PDE4D: variants seen among roughly 807,000 people sequenced by gnomAD.
PDE4D encodes 3',5'-cyclic-AMP phosphodiesterase 4D.
In PDE4D, 24 loss-of-function variants were observed where a neutral mutation model predicts 87.4. The observed-to-expected ratio is 0.27, with a 90% CI of 0.20 to 0.39. The LOEUF is 0.39. Ranked by LOEUF, PDE4D falls within the 10% of genes least tolerant of loss-of-function variation. The probability of loss-of-function intolerance (pLI) is 1.00; values close to 1 mark genes in which losing one functional copy is unlikely to be tolerated. For synonymous variants in PDE4D, 384 were observed against 383.2 expected (o/e 1.00, Z -0.02); for missense variants, 714 against 1,041.0 (o/e 0.69, Z 4.32).
At chr5:59,334,354 G>A (rs992292196) in intron 1 of PDE4D, among the ~76,000 whole-genome samples, 2 of 146,600 alleles carry the variant, frequency 1.4e-5, no homozygotes, top group African/African-American at 2.5e-5. Context: ...TGCCTCCTGA[G>A]TTCAAGCAAT....
At chr5:59,630,322 G>A (rs1167500196) in intron 1 of PDE4D, among the ~76,000 whole-genome samples, 1 of 152,092 alleles carries the variant, frequency 6.6e-6, no homozygotes, top group Non-Finnish European at 1.5e-5. Context: ...TGTCCAGCCT[G>A]ACACTCATAT....
intron 3 of PDE4D, among the ~76,000 whole-genome samples, chr5:59,915,550 GT>G (rs749661868): frequency 6.6e-6 from 1 of 152,284 alleles, no homozygotes; most frequent in East Asian, 1.9e-4. Flanking sequence ...TAGTTTTACA[GT>G]TTGTTTTGAG....
At chr5:59,087,436 T>C (rs541760465) in intron 5 of PDE4D, among the ~76,000 whole-genome samples, 2 of 152,182 alleles carry the variant, frequency 1.3e-5, no homozygotes, top group South Asian at 4.2e-4. Context: ...CAATGAGCCA[T>C]GATTGCCACT....
At chr5:59,218,578 T>C (rs1751779336) in intron 1 of PDE4D, among the ~76,000 whole-genome samples, 2 of 152,126 alleles carry the variant, frequency 1.3e-5, no homozygotes, top group African/African-American at 4.8e-5. Context: ...GCTTTAATAT[T>C]TTTCTTTGTA....
intron 1 of PDE4D, among the ~76,000 whole-genome samples, chr5:59,477,035 G>A (rs1344315247): frequency 6.6e-6 from 1 of 151,112 alleles, no homozygotes; most frequent in Non-Finnish European, 1.5e-5. Flanking sequence ...TAAAAGCTAG[G>A]GAACACAAAA....
At chr5:59,739,822 G>A (rs1758593538) in intron 1 of PDE4D, among the ~76,000 whole-genome samples, 2 of 152,108 alleles carry the variant, frequency 1.3e-5, no homozygotes, top group Admixed American at 1.3e-4. Flanking sequence ...AACAGCCAAT[G>A]TCCAATATGA....
chr5:60,378,346 G>T (rs963799292), intron 1 of PDE4D, among the ~76,000 whole-genome samples: 7 of 152,024 alleles, frequency 4.6e-5, no homozygotes, highest in African/African-American at 1.4e-4. Flanking sequence ...CTAATACCAG[G>T]ATTCCGAACA....
intron 3 of PDE4D, among the ~76,000 whole-genome samples, chr5:59,188,282 C>T (rs1054210337): frequency 1.3e-5 from 2 of 152,024 alleles, no homozygotes; most frequent in Non-Finnish European, 2.9e-5. Flanking sequence ...CCCCACCAAG[C>T]AGAAGTATAG....
intron 4 of PDE4D, among the ~76,000 whole-genome samples, chr5:59,181,819 G>A (rs561648013): frequency 6.6e-6 from 1 of 152,226 alleles, no homozygotes; most frequent in African/African-American, 2.4e-5. Flanking sequence ...TGTGATCCTA[G>A]GGTCTATGCT....
intron 2 of PDE4D, 155 bp downstream of exon 2, chr5:59,215,622 T>C: frequency 1.6e-6 from 1 of 621,090 alleles, no homozygotes; most frequent in Non-Finnish European, 2.8e-6. Flanking sequence ...AGGTTAAATC[T>C]ACCATTCATT....
At chr5:59,159,234 C>T (rs1219112195) in intron 5 of PDE4D, among the ~76,000 whole-genome samples, 1 of 152,078 alleles carries the variant, frequency 6.6e-6, no homozygotes, top group Non-Finnish European at 1.5e-5. Context: ...GCTCAAGCAA[C>T]CCTCCTATCT....
chr5:60,048,014 G>A (rs1562022349), intron 2 of PDE4D, among the ~76,000 whole-genome samples: 1 of 152,042 alleles, frequency 6.6e-6, no homozygotes, highest in African/African-American at 2.4e-5. Flanking sequence ...CTCTTTGTAG[G>A]TCTCTCAGGA....
chr5:60,154,109 T>C (rs887162269), intron 2 of PDE4D, among the ~76,000 whole-genome samples: 1 of 152,218 alleles, frequency 6.6e-6, no homozygotes. Context: ...AAAATGTATT[T>C]GGCATTTTAA....
In PDE4D at chr5:60,371,223, G is replaced by C. The variant is rs183205312; in HGVS notation, c.-90+116719C>G. ...CACTACGCGAATGGCCTTTGCTGAC[G>C]TCTTCTGAAACAGGATTAGATATAG... On this transcript the variant is annotated intron_variant, in intron 1 of 16. Transcript: ENST00000502484. Among the ~76,000 whole-genome samples, 70 of 152,256 alleles carry C rather than the reference G, an allele frequency of 4.6e-4. 1 individual carries two copies. The highest frequency in any genetic ancestry group is 1.7e-3 in the African/African-American group (69 of 41,544).
intron 1 of PDE4D, among the ~76,000 whole-genome samples, chr5:59,400,602 A>C (rs1383000798): frequency 9.1e-6 from 1 of 110,330 alleles, no homozygotes; most frequent in African/African-American, 3.4e-5. Flanking sequence ...GGGAGGGGGG[A>C]GGGATAGCAT....
chr5:60,293,232 C>G (rs963567116), intron 1 of PDE4D, among the ~76,000 whole-genome samples: 2 of 151,982 alleles, frequency 1.3e-5, no homozygotes, highest in Non-Finnish European at 2.9e-5. Context: ...ACTTAAAATA[C>G]TTAAAAAGAT....
intron 1 of PDE4D, among the ~76,000 whole-genome samples, chr5:60,259,969 G>T (rs191921757): frequency 3.0e-4 from 46 of 151,814 alleles, no homozygotes; most frequent in Admixed American, 2.6e-3. Flanking sequence ...GAAAAAAAAA[G>T]GAACTATAGT....
At chr5:59,252,115 C>A (rs968651250) in intron 1 of PDE4D, among the ~76,000 whole-genome samples, 2 of 152,044 alleles carry the variant, frequency 1.3e-5, no homozygotes, top group African/African-American at 4.8e-5. Context: ...GTACAACCAA[C>A]CCCTGTGACA....
chr5:59,403,227 A>C (rs938007090), intron 1 of PDE4D, among the ~76,000 whole-genome samples: 21 of 151,938 alleles, frequency 1.4e-4, no homozygotes, highest in African/African-American at 4.4e-4. Context: ...ATTTTCATAC[A>C]GGCAAGCAAT....
Sources: gnomAD v4.1 joint callset for allele counts (sites outside exome capture counted in the v4.1 genomes callset) on GRCh38, gnomAD v4.1.1 for gene constraint, MANE v1.5 for transcripts, NCBI Gene and HGNC (gene_info 2026-07-23, HGNC 2026-07-21) for gene names.